Variants in XRRA1 observed in about 807,000 individuals in gnomAD.
The protein encoded by XRRA1 is X-ray radiation resistance associated 1.
In XRRA1, 69 loss-of-function variants were observed where a neutral mutation model predicts 80.2. The observed-to-expected ratio is 0.86, with a 90% CI of 0.71 to 1.05. The LOEUF is 1.05. Ranked by LOEUF, XRRA1 falls within the 50% of genes least tolerant of loss-of-function variation. XRRA1 has a pLI of 0.00. For missense variants in XRRA1, 967 were observed against 976.4 expected, an observed-to-expected ratio of 0.99 and a Z score of 0.13; for synonymous variants, 348 against 389.9, an observed-to-expected ratio of 0.89 and a Z score of 1.27.
intron 8 of XRRA1, chr11:74,913,522 G>A (rs2056339500): frequency 1.3e-5 from 2 of 152,130 alleles, no homozygotes; most frequent in Admixed American, 1.3e-4. Flanking sequence ...CAAGCCCCTG[G>A]CACTGTGGAT....
intron 11 of XRRA1, among the ~76,000 whole-genome samples, chr11:74,860,662 C>T (rs1423813812): frequency 6.6e-6 from 1 of 152,220 alleles, no homozygotes; most frequent in East Asian, 1.9e-4. Flanking sequence ...TTAATGGTCA[C>T]AAGCCCCTCC....
intron 2 of XRRA1, among the ~76,000 whole-genome samples, chr11:74,943,023 T>C (rs1356545635): frequency 2.0e-5 from 3 of 152,204 alleles, no homozygotes; most frequent in Admixed American, 2.0e-4. Context: ...GCAGGCTCCT[T>C]CAGGGACAGT....
intron 8 of XRRA1, chr11:74,913,880 T>C (rs1042395017): frequency 6.6e-6 from 1 of 152,254 alleles, no homozygotes. Context: ...GTACTTCTAA[T>C]GTGAAAGACA....
chr11:74,852,190 G>T, intron 12 of XRRA1, 108 bp from the exon 13 acceptor site: 2 of 899,540 alleles, frequency 2.2e-6, no homozygotes, highest in Non-Finnish European at 3.6e-6. Context: ...GATTGGGGGT[G>T]GTATTGGGTA....
At chr11:74,862,856 A>G (rs1036911657) in intron 11 of XRRA1, 125 bp downstream of exon 11, 6 of 861,136 alleles carry the variant, frequency 7.0e-6, no homozygotes, top group African/African-American at 6.9e-5. Flanking sequence ...TACCTATTCA[A>G]TGAATGGGCT....
chr11:74,844,990 G>C lies in XRRA1; in HGVS notation c.1927+83C>G. 4.9e-6 allele frequency: 7 copies of C among 1,416,454 alleles called. No homozygotes were observed. The Middle Eastern group carries it at 1.0e-3, about 207-fold the overall frequency. 87.7% of individuals were successfully genotyped at this position (1,416,454 alleles called of 1,614,324 possible). A position where few individuals can be genotyped will look rare whatever the true frequency, so the allele number is the denominator to read the frequency against. ...ACCCTAGTTGGGAAAAGACAGCTTG[G>C]TGCCAGCCTTGGCTTGACCCTGACT... On this transcript the variant is annotated intron_variant, in intron 16 of 18. Transcript: ENST00000684022.
intron 9 of XRRA1, chr11:74,906,732 C>T (rs1265063006): frequency 2.1e-6 from 1 of 468,240 alleles, no homozygotes; most frequent in Non-Finnish European, 3.7e-6. Flanking sequence ...TAGTTGAAAC[C>T]AAAGTAAATT....
At chr11:74,907,406 G>T in intron 8 of XRRA1, 133 bp from the exon 9 acceptor site, 1 of 1,128,350 alleles carries the variant, frequency 8.9e-7, no homozygotes, top group Non-Finnish European at 1.2e-6. Context: ...CCCAAAAGAG[G>T]TCCCCATAGG....
At chr11:74,905,016 G>A (rs1360098117) in intron 10 of XRRA1, among the ~76,000 whole-genome samples, 2 of 151,986 alleles carry the variant, frequency 1.3e-5, no homozygotes, top group East Asian at 3.9e-4. Flanking sequence ...TTATTTTAGG[G>A]AGAATCTGAA....
intron 8 of XRRA1, among the ~76,000 whole-genome samples, chr11:74,908,608 A>G (rs537782578): frequency 6.6e-6 from 1 of 152,328 alleles, no homozygotes; most frequent in African/African-American, 2.4e-5. Flanking sequence ...TTTCTTTAAC[A>G]TATATTTATG....
At chr11:74,916,563 C>A (rs1938756402) in intron 8 of XRRA1, among the ~76,000 whole-genome samples, 1 of 151,808 alleles carries the variant, frequency 6.6e-6, no homozygotes, top group African/African-American at 2.4e-5. Flanking sequence ...ATATCATTTT[C>A]TTGACTTTAT....
At chr11:74,930,200 G>T (rs1398854458) in intron 6 of XRRA1, 100 bp downstream of exon 6, 2 of 996,826 alleles carry the variant, frequency 2.0e-6, no homozygotes, top group Non-Finnish European at 3.0e-6. Flanking sequence ...AAAGAGATGT[G>T]TGGCCAATCA....
chr11:74,910,086 G>A (rs891254659), intron 8 of XRRA1: 1 of 152,236 alleles, frequency 6.6e-6, no homozygotes, highest in Non-Finnish European at 1.5e-5. Context: ...TTGCTCAAAA[G>A]ACTGAACCAA....
chr11:74,931,204 A>G (rs1943481657), intron 5 of XRRA1, among the ~76,000 whole-genome samples: 1 of 152,110 alleles, frequency 6.6e-6, no homozygotes. Flanking sequence ...GTTAAATGCA[A>G]CAATATTTTA....
chr11:74,936,506 G>GT (rs149789333), intron 4 of XRRA1, among the ~76,000 whole-genome samples: 3,515 of 152,306 alleles, frequency 0.023, 151 homozygotes, highest in African/African-American at 0.08. Flanking sequence ...CTCAGTAAGA[G>GT]TTTTTACCTC....
chr11:74,854,843 C>A (rs2040694006), intron 12 of XRRA1, among the ~76,000 whole-genome samples: 1 of 151,860 alleles, frequency 6.6e-6, no homozygotes, highest in Non-Finnish European at 1.5e-5. Flanking sequence ...TAGGGTGAAA[C>A]CCCGTCTCTA....
chr11:74,941,497 G>A (rs1313573183), intron 2 of XRRA1, among the ~76,000 whole-genome samples: 1 of 152,144 alleles, frequency 6.6e-6, no homozygotes, highest in Non-Finnish European at 1.5e-5. Context: ...AAGAAACAAT[G>A]TGACCCAAGA....
intron 5 of XRRA1, among the ~76,000 whole-genome samples, chr11:74,931,417 T>G (rs562298900): frequency 3.5e-4 from 53 of 152,056 alleles, no homozygotes; most frequent in African/African-American, 1.3e-3. Context: ...CTCCACCTTC[T>G]GGGTTCAAGT....
At chr11:74,937,966 C>T (rs117227351) in intron 3 of XRRA1, among the ~76,000 whole-genome samples, 2,181 of 152,324 alleles carry the variant, frequency 0.014, 32 homozygotes, top group Non-Finnish European at 0.02. Flanking sequence ...CCTGCCCACA[C>T]AGTCATCCAT....
Sources: gnomAD v4.1 joint callset for allele counts (sites outside exome capture counted in the v4.1 genomes callset) on GRCh38, gnomAD v4.1.1 for gene constraint, MANE v1.5 for transcripts, NCBI Gene and HGNC (gene_info 2026-07-23, HGNC 2026-07-21) for gene names.